CLCN3: variants seen among roughly 807,000 people sequenced by gnomAD.
The protein encoded by CLCN3 is Cl-/H+ antiporter 3, also known as H(+)/Cl(-) exchange transporter 3.
In CLCN3, 16 loss-of-function variants were observed where a neutral mutation model predicts 83.4. The observed-to-expected ratio is 0.19, with a 90% CI of 0.13 to 0.29. The LOEUF (loss-of-function observed/expected upper bound fraction) is 0.29. CLCN3 is among the 10% of genes least tolerant of loss of function. The probability of loss-of-function intolerance (pLI) is 1.00; values close to 1 mark genes in which losing one functional copy is unlikely to be tolerated. For synonymous variants in CLCN3, 322 were observed against 346.2 expected (o/e 0.93, Z 0.78); for missense variants, 544 against 1,006.0 (o/e 0.54, Z 6.21).
chr4:169,711,288 T>C (rs1733204344), intron 11 of CLCN3, among the ~76,000 whole-genome samples: 1 of 152,244 alleles, frequency 6.6e-6, no homozygotes, highest in Non-Finnish European at 1.5e-5. Flanking sequence ...TGTTATGAGC[T>C]AAAAGCAACT....
chr4:169,717,705 A>G (rs1733477523), intron 12 of CLCN3: 2 of 825,480 alleles, frequency 2.4e-6, no homozygotes, highest in East Asian at 2.6e-5. Flanking sequence ...TCATGTTTTT[A>G]TTTTTTCTCT....
At chr4:169,621,837 C>A (rs1367884792) in intron 1 of CLCN3, among the ~76,000 whole-genome samples, 1 of 152,098 alleles carries the variant, frequency 6.6e-6, no homozygotes, top group Admixed American at 6.5e-5. Context: ...GAAATAACTG[C>A]GTCCCTTTGT....
intron 9 of CLCN3, among the ~76,000 whole-genome samples, chr4:169,702,088 G>T (rs757200746): frequency 6.6e-6 from 1 of 152,154 alleles, no homozygotes; most frequent in Non-Finnish European, 1.5e-5. Context: ...GAAAGCTGCC[G>T]ATCGCTAGTT....
intron 1 of CLCN3, among the ~76,000 whole-genome samples, chr4:169,631,432 G>A (rs1287807869): frequency 6.6e-6 from 1 of 151,942 alleles, no homozygotes; most frequent in Non-Finnish European, 1.5e-5. Flanking sequence ...GACTACAGGC[G>A]CCCACCACCA....
intron 2 of CLCN3, among the ~76,000 whole-genome samples, chr4:169,653,921 C>G (rs1730808971): frequency 6.6e-6 from 1 of 152,124 alleles, no homozygotes; most frequent in South Asian, 2.1e-4. Flanking sequence ...CTCCATGAAA[C>G]AAACACCCAC....
chr4:169,622,831 C>G (rs540626348), intron 1 of CLCN3, among the ~76,000 whole-genome samples: 1 of 152,140 alleles, frequency 6.6e-6, no homozygotes, highest in African/African-American at 2.4e-5. Flanking sequence ...TAGAGAAAAA[C>G]AAGGAGGGAC....
intron 9 of CLCN3, among the ~76,000 whole-genome samples, chr4:169,701,745 T>C (rs151142333): frequency 2.0e-4 from 30 of 152,296 alleles, no homozygotes; most frequent in African/African-American, 7.0e-4. Flanking sequence ...GAAATTAAAA[T>C]ACACTTGAAA....
chr4:169,663,654 TA>T, intron 2 of CLCN3: 2 of 428,324 alleles, frequency 4.7e-6, no homozygotes, highest in Non-Finnish European at 9.3e-6. Context: ...CTAAGTGCTT[TA>T]TGTGTATGAA....
chr4:169,637,421 G>A (rs188897334), intron 2 of CLCN3, among the ~76,000 whole-genome samples: 3 of 152,200 alleles, frequency 2.0e-5, no homozygotes, highest in African/African-American at 2.4e-5. Flanking sequence ...GGAAGGCCGA[G>A]GCAGGAGGAT....
intron 2 of CLCN3, among the ~76,000 whole-genome samples, chr4:169,653,293 T>G (rs1730780241): frequency 6.6e-6 from 1 of 152,026 alleles, no homozygotes; most frequent in Admixed American, 6.6e-5. Context: ...AGATAGTGTG[T>G]TAGTCTGTTT....
At chr4:169,681,834 A>G (rs1731952459) in intron 3 of CLCN3, among the ~76,000 whole-genome samples, 1 of 152,210 alleles carries the variant, frequency 6.6e-6, no homozygotes, top group African/African-American at 2.4e-5. Flanking sequence ...TTTGTTATAA[A>G]TCTCATTATT....
Position 169,695,680 on chromosome 4 carries a change from T to C in CLCN3, c.1005T>C (p.Phe335=). Residue 335 remains phenylalanine, a synonymous_variant, in exon 8 of 13, where the codon TTT becomes TTC. Transcript: ENST00000513761. ...GTGCACCAATTGGAGGAGTTCTTTTTAGCCTGGAAGAGGTAGGTGAAAAGA... is the reference window on the plus strand; with the variant it reads ...GTGCACCAATTGGAGGAGTTCTTTTCAGCCTGGAAGAGGTAGGTGAAAAGA... The part of the protein sequence containing the change: ...AFGAPIGGVL[F]SLEEVSYYFP... The C allele has an allele frequency of 1.9e-6, 3 of 1,612,028 alleles. No homozygotes were observed. The highest frequency in any genetic ancestry group is 4.5e-5 in the East Asian group (2 of 44,824).
Position 169,636,048 on chromosome 4 carries a change from A to T in CLCN3, c.120A>T (p.Thr40=). 6.2e-7 allele frequency: 1 copy of T among 1,613,188 alleles called. No individual in the cohort carries two copies. Among genetic ancestry groups the T allele is most frequent in the Non-Finnish European group, 8.5e-7 (1 of 1,179,524 alleles). ...DGAGVIMDFQ[T]SEDDNLLDGD... Reference sequence around the variant, plus strand: ...CAGGTGTTATTATGGACTTTCAAACATCTGAAGATGACAATTTATTAGATG... The same window carrying T: ...CAGGTGTTATTATGGACTTTCAAACTTCTGAAGATGACAATTTATTAGATG... Residue 40 remains threonine, a synonymous_variant, in exon 2 of 13, where the codon ACA becomes ACT. Transcript: ENST00000513761.
chr4:169,702,777 C>CAAAAAAAA (rs60812626), intron 9 of CLCN3: 65 of 246,394 alleles, frequency 2.6e-4, no homozygotes, highest in South Asian at 6.6e-4. Context: ...CCCATCTCTA[C>CAAAAAAAA]AAAAAAAAAA....
chr4:169,643,434 T>C (rs1373907185), intron 2 of CLCN3, among the ~76,000 whole-genome samples: 2 of 152,170 alleles, frequency 1.3e-5, no homozygotes, highest in African/African-American at 4.8e-5. Context: ...TTCACCATGT[T>C]AGTCAAGCTG....
intron 2 of CLCN3, among the ~76,000 whole-genome samples, chr4:169,679,833 C>G (rs1027162683): frequency 3.3e-5 from 5 of 152,032 alleles, no homozygotes; most frequent in Admixed American, 2.0e-4. Flanking sequence ...GAGCTGAGAT[C>G]GCGGCAGTAC....
At chr4:169,684,197 T>C (rs1003405212) in intron 3 of CLCN3, among the ~76,000 whole-genome samples, 8 of 152,240 alleles carry the variant, frequency 5.3e-5, no homozygotes, top group African/African-American at 1.9e-4. Context: ...ATTTCAGTAT[T>C]TTACAAAATG....
At chr4:169,693,729 A>G (rs984003167) in intron 7 of CLCN3, among the ~76,000 whole-genome samples, 23 of 152,274 alleles carry the variant, frequency 1.5e-4, no homozygotes, top group African/African-American at 5.3e-4. Context: ...TTGTACCTTT[A>G]TATTTTTTGG....
rs1389209805 is a variant in CLCN3 at position 169,643,724 on chromosome 4, G to A, written c.160+7636G>A. 1.3e-4 allele frequency among the ~76,000 whole-genome samples: 20 copies of A among 152,092 alleles called. No homozygotes were observed. The East Asian group carries it at 1.4e-3, about 10-fold the overall frequency. ...AATTTTTAATTTTTTTGTAGAGATG[G>A]GGTATCTCACTATGTTGCTCAGGCT... is the stretch of plus-strand genomic sequence containing the variant. On this transcript the variant is annotated intron_variant, in intron 2 of 12. Coordinates refer to ENST00000513761, the MANE Select transcript of CLCN3 (RefSeq NM_001829.4).
Sources: gnomAD v4.1 joint callset for allele counts (sites outside exome capture counted in the v4.1 genomes callset) on GRCh38, gnomAD v4.1.1 for gene constraint, MANE v1.5 for transcripts, NCBI Gene and HGNC (gene_info 2026-07-23, HGNC 2026-07-21) for gene names.